The following DIAPH2 variants were observed in gnomAD, a reference collection of about 807,000 sequenced individuals.
The protein encoded by DIAPH2 is protein diaphanous homolog 2.
In DIAPH2, 35 loss-of-function variants were observed where a neutral mutation model predicts 92.7. That is an observed-to-expected ratio of 0.38 (90% CI 0.29 to 0.50). The LOEUF is 0.50. Ranked by LOEUF, DIAPH2 falls within the 20% of genes least tolerant of loss-of-function variation. DIAPH2 has a pLI of 0.94. For synonymous variants in DIAPH2, 301 were observed against 280.4 expected (o/e 1.07, Z -0.73); for missense variants, 701 against 819.5 (o/e 0.86, Z 1.77).
intron 17 of DIAPH2, among the ~76,000 whole-genome samples, chrX:97,003,740 T>C (rs1232085799): frequency 1.8e-5 from 2 of 111,885 alleles, no homozygotes; most frequent in Admixed American, 1.9e-4. Flanking sequence ...AGATATTTCC[T>C]GCCATCCTGT....
intron 1 of DIAPH2, 24 bp downstream of exon 1, chrX:96,685,214 C>G: frequency 1.0e-6 from 1 of 989,345 alleles, no homozygotes; most frequent in Non-Finnish European, 1.3e-6. Flanking sequence ...CAGCCCCCGC[C>G]GGCCTTAGGG....
At chrX:97,349,066 G>GTATA (rs1255005089) in intron 24 of DIAPH2, among the ~76,000 whole-genome samples, 4 of 96,237 alleles carry the variant, frequency 4.2e-5, no homozygotes, top group African/African-American at 1.5e-4. Flanking sequence ...ATATGTGTGT[G>GTATA]TATATATATA....
intron 17 of DIAPH2, among the ~76,000 whole-genome samples, chrX:96,979,370 T>A (rs1024507081): frequency 8.9e-5 from 10 of 112,514 alleles, no homozygotes; most frequent in Non-Finnish European, 1.9e-4. Context: ...GACTACCTCT[T>A]CAGGAGGAGA....
chrX:96,789,098 A>C (rs1244612924), intron 4 of DIAPH2, among the ~76,000 whole-genome samples: 1 of 112,336 alleles, frequency 8.9e-6, no homozygotes, highest in East Asian at 2.8e-4. Context: ...CAGCCAGATC[A>C]TAGGGGAAAA....
chrX:97,073,189 T>C, intron 18 of DIAPH2, 147 bp downstream of exon 18: 1 of 434,296 alleles, frequency 2.3e-6, no homozygotes, highest in Non-Finnish European at 3.9e-6. Flanking sequence ...CATGATTTGG[T>C]TGCCTTTTTG....
chrX:97,010,635 G>T (rs1262853327), intron 17 of DIAPH2, among the ~76,000 whole-genome samples: 1 of 111,609 alleles, frequency 9.0e-6, no homozygotes, highest in South Asian at 3.7e-4. Context: ...GCAGATAGTG[G>T]CTTTCCTAGA....
chrX:97,404,144 C>T (rs924139922), intron 25 of DIAPH2, among the ~76,000 whole-genome samples: 7 of 111,764 alleles, frequency 6.3e-5, no homozygotes, highest in African/African-American at 1.3e-4. Context: ...TGAGCCACCA[C>T]GCCTGGCCTC....
intron 15 of DIAPH2, among the ~76,000 whole-genome samples, chrX:96,951,071 G>C (rs2065771695): frequency 8.9e-6 from 1 of 111,749 alleles, no homozygotes; most frequent in African/African-American, 3.3e-5. Flanking sequence ...AAAGGTCCCA[G>C]ATATTTTACA....
chrX:97,006,865 C>T (rs1228018230), intron 17 of DIAPH2, among the ~76,000 whole-genome samples: 2 of 110,475 alleles, frequency 1.8e-5, no homozygotes, highest in Non-Finnish European at 3.8e-5. Context: ...TTCTTCCTGT[C>T]TTCCTTTTAG....
intron 22 of DIAPH2, among the ~76,000 whole-genome samples, chrX:97,217,078 C>G (rs1489554104): frequency 2.7e-5 from 3 of 111,657 alleles, no homozygotes; most frequent in Non-Finnish European, 5.6e-5. Context: ...GTTAAAGAAG[C>G]TAAGAAGGAC....
Position 97,428,356 on chromosome X carries a change from C to G in DIAPH2, c.3146-1294C>G, listed in dbSNP as rs148766171. Among the ~76,000 whole-genome samples the G allele has an allele frequency of 5.6e-3, 618 of 110,421 alleles. 2 individuals are homozygous for G. The highest frequency in any genetic ancestry group is 0.019 in the African/African-American group (587 of 30,423). On this transcript the variant is annotated intron_variant, in intron 25 of 26. Coordinates refer to ENST00000324765, the MANE Select transcript of DIAPH2 (RefSeq NM_006729.5). ...ACCAGCCTGACCAACAGGGAGAAACCTGTCTCTACTAAAAATACAAAAACT... is the reference window on the plus strand; with the variant it reads ...ACCAGCCTGACCAACAGGGAGAAACGTGTCTCTACTAAAAATACAAAAACT...
intron 22 of DIAPH2, among the ~76,000 whole-genome samples, chrX:97,218,707 T>G (rs1292645335): frequency 9.0e-6 from 1 of 111,609 alleles, no homozygotes; most frequent in Non-Finnish European, 1.9e-5. Flanking sequence ...AGTCCTGATA[T>G]AAAATGGCCT....
At chrX:97,269,151 G>A (rs1403166941) in intron 23 of DIAPH2, among the ~76,000 whole-genome samples, 3 of 111,904 alleles carry the variant, frequency 2.7e-5, no homozygotes, top group African/African-American at 9.7e-5. Context: ...CACCGTGCCC[G>A]GCCTCAGGCA....
At chrX:97,096,515 A>T (rs1026661025) in intron 19 of DIAPH2, among the ~76,000 whole-genome samples, 1 of 111,171 alleles carries the variant, frequency 9.0e-6, no homozygotes, top group Non-Finnish European at 1.9e-5. Flanking sequence ...CCATGTGGCA[A>T]CTGTGGGTTC....
chrX:96,831,032 T>A (rs958250796), intron 4 of DIAPH2, among the ~76,000 whole-genome samples: 16 of 112,063 alleles, frequency 1.4e-4, no homozygotes, highest in African/African-American at 4.5e-4. Context: ...CTGCTGTTAC[T>A]CTTCCCCTGG....
At chrX:97,015,804 A>G (rs1175068202) in intron 17 of DIAPH2, among the ~76,000 whole-genome samples, 1 of 108,848 alleles carries the variant, frequency 9.2e-6, no homozygotes, top group East Asian at 2.9e-4. Flanking sequence ...AAAAAAAAAA[A>G]AAGCCTCATC....
At chrX:96,750,051 G>GTTTTTTTT (rs753887199) in intron 3 of DIAPH2, among the ~76,000 whole-genome samples, 5 of 71,049 alleles carry the variant, frequency 7.0e-5, no homozygotes, top group Non-Finnish European at 1.0e-4. Flanking sequence ...TATATTTCAA[G>GTTTTTTTT]TTTTTTTTTT....
At position 97,214,836 on chromosome X, in the gene DIAPH2, TAAAAAAAAA is replaced by T. The variant is rs368311868; in HGVS notation, c.2720-32862_2720-32854del. ...ACAAGAGCAAAACTCCGTCTCAAAT[TAAAAAAAAA>T]AAAAAAAAAAAAAAAATCCTAAATT... On this transcript the variant is annotated intron_variant, in intron 22 of 26. Coordinates refer to ENST00000324765, the MANE Select transcript of DIAPH2 (RefSeq NM_006729.5). 9.6e-5 allele frequency among the ~76,000 whole-genome samples: 6 copies of T among 62,810 alleles called. No homozygotes were observed. The East Asian group carries it at 1.5e-3, about 16-fold the overall frequency. The allele number at this position is 62,810 out of a possible 115,157, so 54.5% of individuals were successfully genotyped here.
At chrX:97,343,344 A>G (rs1430000316) in intron 23 of DIAPH2, among the ~76,000 whole-genome samples, 1 of 111,380 alleles carries the variant, frequency 9.0e-6, no homozygotes, top group African/African-American at 3.3e-5. Context: ...AGGGCTCAGG[A>G]CCAAGCCCTC....
Sources: gnomAD v4.1 joint callset for allele counts (sites outside exome capture counted in the v4.1 genomes callset) on GRCh38, gnomAD v4.1.1 for gene constraint, MANE v1.5 for transcripts, NCBI Gene and HGNC (gene_info 2026-07-23, HGNC 2026-07-21) for gene names.